Variants in DCC observed in about 807,000 individuals in gnomAD.
The protein encoded by DCC is netrin receptor DCC.
Under a neutral mutation model 172.5 loss-of-function variants are expected in DCC, and 58 were observed. The observed-to-expected ratio is 0.34, with a 90% CI of 0.27 to 0.42. DCC has a LOEUF of 0.42. DCC is among the 10% of genes least tolerant of loss of function. The pLI is 1.00. For missense variants in DCC, 1,740 were observed against 1,791.0 expected, an observed-to-expected ratio of 0.97 and a Z score of 0.51; for synonymous variants, 709 against 644.5, an observed-to-expected ratio of 1.10 and a Z score of -1.52.
At chr18:53,504,974 C>G (rs1220766600) in intron 27 of DCC, among the ~76,000 whole-genome samples, 1 of 151,982 alleles carries the variant, frequency 6.6e-6, no homozygotes, top group East Asian at 1.9e-4. Context: ...AGGATTTTAC[C>G]TAGCTTTTTT....
chr18:52,375,094 C>T (rs1441399582), intron 1 of DCC, among the ~76,000 whole-genome samples: 5 of 152,120 alleles, frequency 3.3e-5, no homozygotes, highest in African/African-American at 1.2e-4. Flanking sequence ...CTTTGTGGTA[C>T]GTGGTTGCCT....
intron 2 of DCC, among the ~76,000 whole-genome samples, chr18:52,773,762 C>T (rs1215923279): frequency 6.6e-6 from 1 of 152,166 alleles, no homozygotes; most frequent in African/African-American, 2.4e-5. Context: ...CCCCTGACCT[C>T]AGGTGATCTG....
chr18:53,427,470 A>G (rs544920878), intron 21 of DCC, among the ~76,000 whole-genome samples: 5 of 152,222 alleles, frequency 3.3e-5, no homozygotes, highest in Admixed American at 6.6e-5. Context: ...AATAATAATT[A>G]TAATAACTAA....
At chr18:53,164,732 C>T (rs1006774968) in intron 8 of DCC, among the ~76,000 whole-genome samples, 5 of 152,128 alleles carry the variant, frequency 3.3e-5, no homozygotes, top group South Asian at 2.1e-4. Flanking sequence ...TTAGCTAATG[C>T]CATGTGCAAA....
At position 52,819,299 on chromosome 18, in the gene DCC, G is replaced by A. The variant is rs138261671; in HGVS notation, c.412+66925G>A. Among the ~76,000 whole-genome samples, 6 of 152,176 alleles carry A rather than the reference G, an allele frequency of 3.9e-5. No individual in the cohort carries two copies. The East Asian group carries it at 9.6e-4, about 24-fold the overall frequency. On this transcript the variant is annotated intron_variant, in intron 2 of 28. Coordinates refer to ENST00000442544, the MANE Select transcript of DCC (RefSeq NM_005215.4). ...GTAAAATCCAGCAATGTCATTTTCC[G>A]AGCTTGCAGGGAAAAAAATAAATTA...
intron 23 of DCC, among the ~76,000 whole-genome samples, chr18:53,456,233 A>C (rs1198981206): frequency 6.6e-6 from 1 of 152,240 alleles, no homozygotes; most frequent in African/African-American, 2.4e-5. Context: ...TAGGATTTTG[A>C]AGGCACTGTG....
chr18:52,787,001 C>T (rs535713806), intron 2 of DCC, among the ~76,000 whole-genome samples: 132 of 152,154 alleles, frequency 8.7e-4, no homozygotes, highest in African/African-American at 3.1e-3. Flanking sequence ...CAGATAGTTT[C>T]CAATTTCTAG....
rs565953598 is a variant in DCC at position 53,317,288 on chromosome 18, A to C, written c.2054-4759A>C. Among the ~76,000 whole-genome samples the C allele has an allele frequency of 2.6e-5, 4 of 152,312 alleles. No homozygotes were observed. In the South Asian group the frequency reaches 8.3e-4, roughly 32 times the overall value. ...TTTATGTGATGGATTATGTTTATTG[A>C]TTTGCATATGTTGTACCAGCCTTGC... On this transcript the variant is annotated intron_variant, in intron 13 of 28. Transcript: ENST00000442544.
At chr18:52,769,945 C>G (rs1204569652) in intron 2 of DCC, among the ~76,000 whole-genome samples, 5 of 152,160 alleles carry the variant, frequency 3.3e-5, no homozygotes, top group Non-Finnish European at 5.9e-5. Context: ...TCTATTAACA[C>G]CATCCAAACA....
intron 1 of DCC, among the ~76,000 whole-genome samples, chr18:52,530,869 C>T (rs1232600400): frequency 6.6e-6 from 1 of 152,122 alleles, no homozygotes; most frequent in Non-Finnish European, 1.5e-5. Context: ...CAGCTTCCTG[C>T]AGCATCAGTC....
intron 7 of DCC, among the ~76,000 whole-genome samples, chr18:53,096,720 AG>A (rs2043093016): frequency 6.6e-6 from 1 of 152,164 alleles, no homozygotes; most frequent in Non-Finnish European, 1.5e-5. Flanking sequence ...GGGAGAGAGA[AG>A]CAAAATAGAA....
chr18:53,013,321 G>T (rs1323588447), intron 5 of DCC, among the ~76,000 whole-genome samples: 1 of 151,980 alleles, frequency 6.6e-6, no homozygotes, highest in Non-Finnish European at 1.5e-5. Context: ...TGATAGACTA[G>T]ATAAAGAAAA....
At chr18:52,534,252 A>G (rs1033771489) in intron 1 of DCC, among the ~76,000 whole-genome samples, 2 of 152,172 alleles carry the variant, frequency 1.3e-5, no homozygotes, top group Non-Finnish European at 2.9e-5. Context: ...AGGTTACATA[A>G]CAACTCTAAG....
chr18:53,362,843 T>G (rs536796821), intron 15 of DCC, among the ~76,000 whole-genome samples: 2 of 152,300 alleles, frequency 1.3e-5, no homozygotes, highest in East Asian at 3.9e-4. Context: ...CTGTATTATC[T>G]ACACCTAGGA....
chr18:52,920,020 C>CAAAAAAA (rs373883714), intron 3 of DCC, among the ~76,000 whole-genome samples: 5 of 100,096 alleles, frequency 5.0e-5, no homozygotes, highest in African/African-American at 7.5e-5. Flanking sequence ...TGTCCATATA[C>CAAAAAAA]AAAAAAAAAA....
At chr18:52,955,018 A>T (rs2040718709) in intron 5 of DCC, among the ~76,000 whole-genome samples, 1 of 152,146 alleles carries the variant, frequency 6.6e-6, no homozygotes, top group Non-Finnish European at 1.5e-5. Flanking sequence ...CGCCTCAATG[A>T]TGCATTCGTG....
chr18:53,130,621 C>T (rs2043637107), intron 7 of DCC, among the ~76,000 whole-genome samples: 1 of 152,038 alleles, frequency 6.6e-6, no homozygotes, highest in South Asian at 2.1e-4. Context: ...GTGTGCCTAA[C>T]ACAAAATTCC....
At chr18:53,005,863 A>AT (rs1228645539) in intron 5 of DCC, among the ~76,000 whole-genome samples, 3 of 152,078 alleles carry the variant, frequency 2.0e-5, no homozygotes, top group Non-Finnish European at 2.9e-5. Context: ...TGCTTCGCTT[A>AT]TTTTTTCTCT....
At chr18:52,764,584 T>C (rs1300754603) in intron 2 of DCC, among the ~76,000 whole-genome samples, 1 of 152,202 alleles carries the variant, frequency 6.6e-6, no homozygotes, top group East Asian at 1.9e-4. Context: ...TCTCTTATCA[T>C]GTGATGTCTG....
Sources: allele counts gnomAD v4.1 joint callset (sites outside exome capture counted in the v4.1 genomes callset), GRCh38; gene constraint gnomAD v4.1.1; transcripts MANE v1.5; gene names NCBI Gene and HGNC (gene_info 2026-07-23, HGNC 2026-07-21).